SPEF2: variants seen among roughly 807,000 people sequenced by gnomAD.
SPEF2 encodes the protein sperm flagella and cilia-associated protein 2.
SPEF2 carries 187 observed loss-of-function variants against 224.6 expected under a neutral mutation model. That is an observed-to-expected ratio of 0.83 (90% confidence interval 0.74 to 0.94). The LOEUF (loss-of-function observed/expected upper bound fraction) is 0.94, where lower values mean the gene tolerates loss of function less well. Among genes scored for constraint, SPEF2 ranks in the 40% least tolerant of loss-of-function variants. The probability of loss-of-function intolerance (pLI) is 0.00; values close to 1 mark genes in which losing one functional copy is unlikely to be tolerated. For synonymous variants in SPEF2, 715 were observed against 707.3 expected (o/e 1.01, Z -0.17); for missense variants, 2,170 against 2,135.6 (o/e 1.02, Z -0.32).
At chr5:35,733,346 C>T (rs1216122270) in intron 21 of SPEF2, among the ~76,000 whole-genome samples, 1 of 152,160 alleles carries the variant, frequency 6.6e-6, no homozygotes, top group Non-Finnish European at 1.5e-5. Context: ...GATCTCCTCA[C>T]CTCGTGATCC....
chr5:35,728,689 T>A (rs1169323372), intron 21 of SPEF2, among the ~76,000 whole-genome samples: 1 of 152,192 alleles, frequency 6.6e-6, no homozygotes, highest in Non-Finnish European at 1.5e-5. Context: ...ATTCAATGTA[T>A]TCAACACAAA....
intron 23 of SPEF2, among the ~76,000 whole-genome samples, chr5:35,744,692 C>T (rs1039261476): frequency 2.1e-4 from 32 of 152,046 alleles, no homozygotes; most frequent in African/African-American, 7.5e-4. Context: ...GTGGAGGCCT[C>T]AGTGAGCCAA....
chr5:35,771,464 G>T (rs1752846136), intron 26 of SPEF2, 145 bp from the exon 27 acceptor site: 7 of 996,714 alleles, frequency 7.0e-6, no homozygotes, highest in Non-Finnish European at 9.8e-6. Context: ...AACATGGTGG[G>T]GTGTGTTTTG....
chr5:35,625,541 G>A (rs540975509), intron 1 of SPEF2, among the ~76,000 whole-genome samples: 79 of 152,268 alleles, frequency 5.2e-4, no homozygotes, highest in African/African-American at 1.8e-3. Context: ...AGGTAACATA[G>A]CAACAGCTCT....
chr5:35,809,767 A>T (rs1397280760), intron 36 of SPEF2, among the ~76,000 whole-genome samples: 2 of 152,144 alleles, frequency 1.3e-5, no homozygotes, highest in Admixed American at 1.3e-4. Context: ...ATCCCTAAGC[A>T]TTCCTTGGGG....
In SPEF2 at chr5:35,685,955, C is replaced by A. The variant is rs911830221; in HGVS notation, c.1525-5082C>A. ...AAGAAATATAATGAAATATAATGTA[C>A]CCTGTCTTTTGTTTTGGTTCTCTCT... On this transcript the variant is annotated intron_variant, in intron 10 of 36. Coordinates refer to ENST00000356031, the MANE Select transcript of SPEF2 (RefSeq NM_024867.4). Among the ~76,000 whole-genome samples, 4 of 151,626 alleles carry A rather than the reference C, an allele frequency of 2.6e-5. No homozygotes were observed. In the East Asian group the frequency reaches 7.7e-4, roughly 29 times the overall value.
chr5:35,813,661 C>A (rs146946987), intron 36 of SPEF2, among the ~76,000 whole-genome samples: 1 of 152,102 alleles, frequency 6.6e-6, no homozygotes, highest in African/African-American at 2.4e-5. Context: ...TATGATTCCT[C>A]GCAGTGACTG....
chr5:35,739,023 C>A (rs939419030), intron 21 of SPEF2, among the ~76,000 whole-genome samples: 1 of 152,162 alleles, frequency 6.6e-6, no homozygotes, highest in African/African-American at 2.4e-5. Flanking sequence ...TCTTTTCAAA[C>A]TGATACCTCG....
At chr5:35,696,698 G>T (rs1755378132) in intron 14 of SPEF2, among the ~76,000 whole-genome samples, 1 of 152,138 alleles carries the variant, frequency 6.6e-6, no homozygotes, top group Admixed American at 6.6e-5. Context: ...TATGAACATA[G>T]AGATAAATAT....
intron 10 of SPEF2, among the ~76,000 whole-genome samples, chr5:35,689,465 C>A (rs1754129159): frequency 6.6e-6 from 1 of 152,126 alleles, no homozygotes; most frequent in African/African-American, 2.4e-5. Context: ...AGCTAGTGAG[C>A]AAAGTTCCCA....
rs142686926 is a variant in SPEF2 at position 35,775,881 on chromosome 5, G to A, written c.4079-376G>A. ...CATGGAGTTTGCCCTGATTTTAGTG[G>A]TGCTGAGAAATACAATGGCAATGCC... On this transcript the variant is annotated intron_variant, in intron 28 of 36. Coordinates refer to ENST00000356031, the MANE Select transcript of SPEF2 (RefSeq NM_024867.4). 1.8e-4 allele frequency among the ~76,000 whole-genome samples: 27 copies of A among 152,226 alleles called. 1 individual carries two copies. The East Asian group carries it at 5.2e-3, about 29-fold the overall frequency.
chr5:35,646,897 T>TC (rs947142547), intron 5 of SPEF2, 90 bp downstream of exon 5: 1 of 1,401,120 alleles, frequency 7.1e-7, no homozygotes, highest in Non-Finnish European at 9.7e-7. Flanking sequence ...TTCCAAAACT[T>TC]CACATTTGCT....
rs116270159 is a variant in SPEF2, at chr5:35,664,905, G to A, written c.1168-2167G>A. ...CACTCTCAATTTTTTGAGCGTTTTT[G>A]TTTTGTTTTTAGATTAAATCTGCTA... On this transcript the variant is annotated intron_variant, in intron 8 of 36. Transcript: ENST00000356031. 9.0e-3 allele frequency among the ~76,000 whole-genome samples: 1,374 copies of A among 152,070 alleles called. 16 individuals are homozygous for A. The highest frequency in any genetic ancestry group is 0.032 in the African/African-American group (1,338 of 41,472).
chr5:35,618,389 C>T lies in SPEF2; in HGVS notation c.58+334C>T, dbSNP rs185997193. ...GCAATCAGAGGGTTTAGGAAGGTCT[C>T]CTTTGCTTCTGTGGAGAGGGAACTT... On this transcript the variant is annotated intron_variant, in intron 1 of 36. Coordinates refer to ENST00000356031, the MANE Select transcript of SPEF2 (RefSeq NM_024867.4). Among the ~76,000 whole-genome samples, 551 of 152,284 alleles carry T rather than the reference C, an allele frequency of 3.6e-3. 1 individual carries two copies. Among genetic ancestry groups the T allele is most frequent in the African/African-American group, 0.013 (522 of 41,558 alleles).
At chr5:35,809,332 G>A (rs1036120398) in intron 36 of SPEF2, among the ~76,000 whole-genome samples, 2 of 152,160 alleles carry the variant, frequency 1.3e-5, no homozygotes, top group Non-Finnish European at 2.9e-5. Context: ...TGCAGGAATT[G>A]CAAGAAAGTG....
chr5:35,798,134 A>G (rs113126108), intron 33 of SPEF2, among the ~76,000 whole-genome samples: 16 of 152,246 alleles, frequency 1.1e-4, no homozygotes, highest in African/African-American at 2.9e-4. Flanking sequence ...GATGACTGCA[A>G]CGGCCTCGTG....
intron 26 of SPEF2, among the ~76,000 whole-genome samples, chr5:35,766,455 A>T (rs946025547): frequency 6.6e-6 from 1 of 152,084 alleles, no homozygotes; most frequent in Non-Finnish European, 1.5e-5. Context: ...GAAGTTATTT[A>T]AAATGGCCTA....
rs1476782605 is a variant in SPEF2 at position 35,659,096 on chromosome 5, C to T, written c.1056C>T (p.Leu352=). 3.1e-6 allele frequency: 5 copies of T among 1,612,998 alleles called. No individual in the cohort carries two copies. In the African/African-American group the frequency reaches 6.7e-5, roughly 22 times the overall value. Residue 352 remains leucine (L), a synonymous_variant, in exon 8 of 37, where the codon CTC becomes CTT. Coordinates refer to ENST00000356031, the MANE Select transcript of SPEF2 (RefSeq NM_024867.4). ...AGGAGCGCAGGATTGCCGTGCAGCTCATGCATGTTCGGCATGAAAAGGAAG... is the reference window on the plus strand; with the variant it reads ...AGGAGCGCAGGATTGCCGTGCAGCTTATGCATGTTCGGCATGAAAAGGAAG... ...SQQERRIAVQ[L]MHVRHEKEVL... is the part of the protein sequence containing the mutation.
chr5:35,804,857 ATTGT>A (rs1206063845), intron 34 of SPEF2, among the ~76,000 whole-genome samples: 2 of 152,158 alleles, frequency 1.3e-5, no homozygotes, highest in East Asian at 1.9e-4. Flanking sequence ...TAAGCAGCTA[ATTGT>A]TTGCTTGCCT....
Sources: allele counts gnomAD v4.1 joint callset (sites outside exome capture counted in the v4.1 genomes callset), GRCh38; gene constraint gnomAD v4.1.1; transcripts MANE v1.5; gene names NCBI Gene and HGNC (gene_info 2026-07-23, HGNC 2026-07-21).